The following SNX29 variants were observed in gnomAD, a reference collection of about 807,000 sequenced individuals.
SNX29 encodes the protein sorting nexin-29.
SNX29 carries 78 observed loss-of-function variants against 102.1 expected under a neutral mutation model. The observed-to-expected ratio is 0.76, with a 90% confidence interval of 0.64 to 0.92. The LOEUF is 0.92. Among genes scored for constraint, SNX29 ranks in the 40% least tolerant of loss-of-function variants. SNX29 has a pLI of 0.00. For missense variants in SNX29, 1,280 were observed against 1,061.7 expected, an observed-to-expected ratio of 1.21 and a Z score of -2.86; for synonymous variants, 580 against 414.5, an observed-to-expected ratio of 1.40 and a Z score of -4.85.
chr16:12,090,599 G>C (rs2052478609), intron 11 of SNX29, among the ~76,000 whole-genome samples: 1 of 152,204 alleles, frequency 6.6e-6, no homozygotes, highest in Non-Finnish European at 1.5e-5. Context: ...CTAGGATGCT[G>C]CCTGGTTTCC....
At chr16:12,533,460 C>T (rs764245393) in intron 20 of SNX29, among the ~76,000 whole-genome samples, 4 of 152,196 alleles carry the variant, frequency 2.6e-5, no homozygotes, top group Non-Finnish European at 5.9e-5. Context: ...TGCACCTCCC[C>T]ACCCCCATCC....
chr16:12,498,137 C>T (rs1416814517), intron 19 of SNX29, among the ~76,000 whole-genome samples: 1 of 152,188 alleles, frequency 6.6e-6, no homozygotes, highest in Non-Finnish European at 1.5e-5. Flanking sequence ...GCTATTGAAG[C>T]AGATAGACGA....
intron 1 of SNX29, among the ~76,000 whole-genome samples, chr16:11,978,001 C>G (rs1029330158): frequency 6.6e-6 from 1 of 152,116 alleles, no homozygotes; most frequent in East Asian, 1.9e-4. Flanking sequence ...GGAGGTTGAG[C>G]GGGGGGCAAG....
At chr16:12,407,147 G>T (rs1230411115) in intron 18 of SNX29, among the ~76,000 whole-genome samples, 1 of 146,162 alleles carries the variant, frequency 6.8e-6, no homozygotes, top group African/African-American at 2.5e-5. Flanking sequence ...GCCATGAAAG[G>T]CCACATCCTG....
At chr16:12,181,049 G>T (rs2076373050) in intron 13 of SNX29, among the ~76,000 whole-genome samples, 1 of 152,182 alleles carries the variant, frequency 6.6e-6, no homozygotes, top group Non-Finnish European at 1.5e-5. Flanking sequence ...AGTCCTGACA[G>T]TACAGATTTG....
At chr16:12,568,238 G>T (rs192867540) in intron 20 of SNX29, among the ~76,000 whole-genome samples, 18 of 151,442 alleles carry the variant, frequency 1.2e-4, no homozygotes, top group South Asian at 4.2e-4. Context: ...AATGTAGACC[G>T]GAACGGTGGT....
At chr16:12,139,198 A>T (rs977507082) in intron 13 of SNX29, among the ~76,000 whole-genome samples, 16 of 28,494 alleles carry the variant, frequency 5.6e-4, no homozygotes, top group Admixed American at 1.2e-3. Flanking sequence ...GACTCTAAAA[A>T]AAAAAAAAAA....
chr16:12,218,920 A>G (rs1328577228), intron 14 of SNX29, among the ~76,000 whole-genome samples: 1 of 152,076 alleles, frequency 6.6e-6, no homozygotes, highest in African/African-American at 2.4e-5. Flanking sequence ...GACTAAAGGC[A>G]CCTGCCACCA....
chr16:12,556,952 A>AAGCT (rs1555458165), intron 20 of SNX29, among the ~76,000 whole-genome samples: 4 of 144,958 alleles, frequency 2.8e-5, no homozygotes, highest in African/African-American at 1.0e-4. Flanking sequence ...GCTCAGGCTC[A>AAGCT]GTCTTCCCAC....
chr16:12,045,588 G>A (rs1464006844), intron 5 of SNX29, among the ~76,000 whole-genome samples: 3 of 140,684 alleles, frequency 2.1e-5, no homozygotes, highest in African/African-American at 7.7e-5. Context: ...GGGCTTTCAG[G>A]TCTGTAACCT....
At chr16:12,019,481 A>T (rs1005987958) in intron 3 of SNX29, among the ~76,000 whole-genome samples, 3 of 152,006 alleles carry the variant, frequency 2.0e-5, no homozygotes, top group African/African-American at 7.2e-5. Context: ...CTGGGATTAC[A>T]AGAGTGAGCC....
chr16:12,553,478 C>T (rs2078120880), intron 20 of SNX29, among the ~76,000 whole-genome samples: 4 of 152,120 alleles, frequency 2.6e-5, no homozygotes, highest in Admixed American at 2.0e-4. Flanking sequence ...GCCCCAGCTG[C>T]TTAGACCAGG....
intron 17 of SNX29, 34 bp from the exon 18 acceptor site, chr16:12,403,414 C>G (rs781687797): frequency 7.7e-6 from 12 of 1,558,414 alleles, no homozygotes; most frequent in African/African-American, 2.7e-5. Context: ...GTTAAAATGT[C>G]TAATGTTGGT....
chr16:12,122,185 A>G (rs2054000267), intron 11 of SNX29, among the ~76,000 whole-genome samples: 1 of 152,180 alleles, frequency 6.6e-6, no homozygotes, highest in African/African-American at 2.4e-5. Flanking sequence ...GTGTGTCTCC[A>G]CAGTCACCGT....
intron 20 of SNX29, chr16:12,546,360 G>T (rs1938390967): frequency 6.6e-6 from 1 of 152,150 alleles, no homozygotes; most frequent in African/African-American, 2.4e-5. Flanking sequence ...CATGTGGCTG[G>T]GGAGGCCTCA....
At position 12,489,500 on chromosome 16, in the gene SNX29, G is replaced by A. The variant is rs79499397; in HGVS notation, c.2178+11641G>A. 0.012 allele frequency among the ~76,000 whole-genome samples: 1,880 copies of A among 152,280 alleles called. 184 individuals carry two copies. In the East Asian group the frequency reaches 0.23, roughly 19 times the overall value. On this transcript the variant is annotated intron_variant, in intron 19 of 20. Coordinates refer to ENST00000566228, the MANE Select transcript of SNX29 (RefSeq NM_032167.5). ...GATCCTGCCCCCTCCCACACTGGCTGTGTGACCCTGGACAAGTCCTCAGCC... is the reference window on the plus strand; with the variant it reads ...GATCCTGCCCCCTCCCACACTGGCTATGTGACCCTGGACAAGTCCTCAGCC...
chr16:12,438,556 C>G (rs1275628131), intron 18 of SNX29, among the ~76,000 whole-genome samples: 2 of 152,200 alleles, frequency 1.3e-5, no homozygotes, highest in African/African-American at 4.8e-5. Flanking sequence ...TTAACACAGA[C>G]CAGCATTGAG....
chr16:12,146,963 A>C (rs750987578), intron 13 of SNX29, among the ~76,000 whole-genome samples: 9 of 152,224 alleles, frequency 5.9e-5, no homozygotes, highest in Non-Finnish European at 1.2e-4. Flanking sequence ...GGAGAGGAAC[A>C]GAAGCTTGGT....
chr16:12,535,872 C>G (rs750971622), intron 20 of SNX29, among the ~76,000 whole-genome samples: 3 of 152,130 alleles, frequency 2.0e-5, no homozygotes, highest in Non-Finnish European at 4.4e-5. Context: ...TGGTGCTGTC[C>G]AAGGTCCTAC....
Sources: gnomAD v4.1 joint callset for allele counts (sites outside exome capture counted in the v4.1 genomes callset) on GRCh38, gnomAD v4.1.1 for gene constraint, MANE v1.5 for transcripts, NCBI Gene and HGNC (gene_info 2026-07-23, HGNC 2026-07-21) for gene names.